Variants in CPT1A observed in about 807,000 individuals in gnomAD.
CPT1A encodes carnitine O-palmitoyltransferase 1, liver isoform.
In CPT1A, 64 loss-of-function variants were observed where a neutral mutation model predicts 100.8. The ratio of observed to expected loss-of-function variants is 0.63; its 90% CI spans 0.52 to 0.78. The LOEUF (loss-of-function observed/expected upper bound fraction) is 0.78, where lower values mean the gene tolerates loss of function less well. Ranked by LOEUF, CPT1A falls within the 30% of genes least tolerant of loss-of-function variation. The pLI, the probability that CPT1A is intolerant of heterozygous loss-of-function variation, is 0.00. For synonymous variants in CPT1A, 363 were observed against 396.0 expected, an observed-to-expected ratio of 0.92 and a Z score of 0.99; for missense variants, 802 against 1,034.1, an observed-to-expected ratio of 0.78 and a Z score of 3.08.
chr11:68,766,194 A>T (rs1854792538), intron 14 of CPT1A, among the ~76,000 whole-genome samples: 1 of 151,716 alleles, frequency 6.6e-6, no homozygotes, highest in South Asian at 2.1e-4. Context: ...ACCTTGAAGG[A>T]CCCCTTCAAG....
chr11:68,802,299 T>A (rs1238513176), intron 5 of CPT1A, among the ~76,000 whole-genome samples: 1 of 151,806 alleles, frequency 6.6e-6, no homozygotes, highest in Non-Finnish European at 1.5e-5. Context: ...ATAATTTTTT[T>A]AAAAACAAAG....
At chr11:68,774,290 A>G (rs1315762459) in intron 13 of CPT1A, among the ~76,000 whole-genome samples, 1 of 152,054 alleles carries the variant, frequency 6.6e-6, no homozygotes, top group African/African-American at 2.4e-5. Flanking sequence ...ACCCGTACAG[A>G]TATGTTCTGA....
At chr11:68,836,522 C>T (rs145638860) in intron 1 of CPT1A, among the ~76,000 whole-genome samples, 1,568 of 152,172 alleles carry the variant, frequency 0.01, 30 homozygotes, top group African/African-American at 0.036. Context: ...CCTGTAATCC[C>T]CGCACTTTGG....
chr11:68,793,920 G>A (rs575501138), intron 8 of CPT1A, among the ~76,000 whole-genome samples: 38 of 152,218 alleles, frequency 2.5e-4, no homozygotes, highest in African/African-American at 8.9e-4. Flanking sequence ...GCAACTTCCT[G>A]CACAGTTAAA....
rs1387056494 is a variant in CPT1A, at chr11:68,768,443, T to C, written c.1740+4822A>G. Reference sequence around the variant, plus strand: ...TTTTTGAGACGGAGTTTTGTTCTTATTGCTCAGGTTGGAGTGCAGTGGCGT... The same window carrying C: ...TTTTTGAGACGGAGTTTTGTTCTTACTGCTCAGGTTGGAGTGCAGTGGCGT... On this transcript the variant is annotated intron_variant, in intron 14 of 18. Coordinates refer to ENST00000265641, the MANE Select transcript of CPT1A (RefSeq NM_001876.4). Among the ~76,000 whole-genome samples, 3 of 151,836 alleles carry C rather than the reference T, an allele frequency of 2.0e-5. No individual in the cohort carries two copies. The East Asian group carries it at 5.8e-4, about 29-fold the overall frequency.
At chr11:68,759,230 C>T (rs1946753446) in intron 18 of CPT1A, among the ~76,000 whole-genome samples, 1 of 151,878 alleles carries the variant, frequency 6.6e-6, no homozygotes, top group Admixed American at 6.6e-5. Flanking sequence ...CCTGTCTCTA[C>T]TAAAAATACA....
Position 68,841,796 on chromosome 11 carries a change from G to A in CPT1A, c.-35C>T. ...TCACCGAGTCAGCTACGGAGGTGCG[G>A]CAGCGGCAGCGGCAGCGGCGGCGGC... On this transcript the variant is annotated 5_prime_UTR_variant, in exon 1 of 19. Transcript: ENST00000265641. The surrounding 1 kb of genome is among the most constrained non-coding windows in gnomAD (Gnocchi z 6.3). 1.0e-6 allele frequency: 1 copy of A among 993,208 alleles called. No homozygotes were observed. The highest frequency in any genetic ancestry group is 1.2e-6 in the Non-Finnish European group (1 of 836,508). The allele number at this position is 993,208 out of a possible 1,614,324, so 61.5% of individuals were successfully genotyped here. A position where few individuals can be genotyped will look rare whatever the true frequency, so the allele number is the denominator to read the frequency against.
chr11:68,819,155 T>G (rs1226097840), intron 1 of CPT1A, among the ~76,000 whole-genome samples: 2 of 152,264 alleles, frequency 1.3e-5, no homozygotes, highest in East Asian at 1.9e-4. Context: ...CTCAGCTCAC[T>G]GCAACTTCCA....
intron 2 of CPT1A, among the ~76,000 whole-genome samples, chr11:68,814,643 TA>T (rs1349295042): frequency 3.9e-5 from 6 of 151,946 alleles, no homozygotes; most frequent in African/African-American, 1.4e-4. Context: ...GAATGTTTTA[TA>T]AACAAAGTAG....
chr11:68,820,616 A>C (rs1856556442), intron 1 of CPT1A, among the ~76,000 whole-genome samples: 1 of 152,108 alleles, frequency 6.6e-6, no homozygotes, highest in African/African-American at 2.4e-5. Flanking sequence ...TGGGAGGCAG[A>C]GGTTTCAGTG....
Position 68,824,794 on chromosome 11 carries a change from C to CTTTT in CPT1A, c.-13-9311_-13-9308dup, listed in dbSNP as rs60451933. ...AACATATTGCTACATGCAATTGTAT[C>CTTTT]TTTTTTTTTTTTTTTTTTTGAGACT... is the stretch of plus-strand genomic sequence containing the variant. On this transcript the variant is annotated intron_variant, in intron 1 of 18. Transcript: ENST00000265641. 3.3e-3 allele frequency among the ~76,000 whole-genome samples: 396 copies of CTTTT among 120,308 alleles called. 11 individuals are homozygous for CTTTT. Among genetic ancestry groups the CTTTT allele is most frequent in the African/African-American group, 0.011 (359 of 31,342 alleles). The allele number at this position is 120,308 out of a possible 152,430, so 78.9% of individuals were successfully genotyped here.
At chr11:68,840,254 T>C (rs1367986280) in intron 1 of CPT1A, among the ~76,000 whole-genome samples, 1 of 152,204 alleles carries the variant, frequency 6.6e-6, no homozygotes, top group Non-Finnish European at 1.5e-5. Context: ...ATTGCTACGT[T>C]CACTCGGTCA....
chr11:68,819,384 G>A (rs929492057), intron 1 of CPT1A, among the ~76,000 whole-genome samples: 1 of 152,104 alleles, frequency 6.6e-6, no homozygotes, highest in Non-Finnish European at 1.5e-5. Flanking sequence ...CCCGCCTCAA[G>A]GTTAACTCTT....
chr11:68,795,427 G>C (rs549797779), intron 7 of CPT1A, among the ~76,000 whole-genome samples: 1 of 152,276 alleles, frequency 6.6e-6, no homozygotes, highest in South Asian at 2.1e-4. Flanking sequence ...AAGTGCCTCT[G>C]TTTGTGGGAA....
At chr11:68,838,572 TAAA>T (rs1210532617) in intron 1 of CPT1A, among the ~76,000 whole-genome samples, 2 of 95,514 alleles carry the variant, frequency 2.1e-5, no homozygotes, top group African/African-American at 1.0e-4. Flanking sequence ...TGCACCTTTT[TAAA>T]AAAAAAAAAA....
rs144392066 is a variant in CPT1A, at chr11:68,803,571, C to T, written c.555+429G>A. Among the ~76,000 whole-genome samples, 1,084 of 151,734 alleles carry T rather than the reference C, an allele frequency of 7.1e-3. 17 individuals carry two copies. Among genetic ancestry groups the T allele is most frequent in the African/African-American group, 0.023 (964 of 41,350 alleles). On this transcript the variant is annotated intron_variant, in intron 5 of 18. Coordinates refer to ENST00000265641, the MANE Select transcript of CPT1A (RefSeq NM_001876.4). ...ACTAAAAATACAAAAATTAGCCGGG[C>T]GTGGTGGCAGGTGCCTGTAATCCCA... is the stretch of plus-strand genomic sequence containing the variant.
intron 6 of CPT1A, 40 bp downstream of exon 6, chr11:68,799,178 G>T: frequency 6.8e-7 from 1 of 1,480,802 alleles, no homozygotes; most frequent in Non-Finnish European, 9.1e-7. Flanking sequence ...GTCTTCATAC[G>T]GAAAAATTTC....
chr11:68,843,369 C>A (rs991870771), upstream of CPT1A, among the ~76,000 whole-genome samples: 1 of 141,028 alleles, frequency 7.1e-6, no homozygotes, highest in Non-Finnish European at 1.5e-5. The surrounding 1 kb of genome is among the most constrained non-coding windows in gnomAD (Gnocchi z 4.0). Context: ...CCCCGCCCCC[C>A]ACCCCACCAT....
At position 68,841,847 on chromosome 11, in the gene CPT1A, G is replaced by A. The variant is rs575215890; in HGVS notation, c.-86C>T. 5.8e-4 allele frequency: 576 copies of A among 994,786 alleles called. No individual in the cohort carries two copies. Among genetic ancestry groups the A allele is most frequent in the Non-Finnish European group, 6.5e-4 (545 of 838,334 alleles). The allele number at this position is 994,786 out of a possible 1,614,324, so 61.6% of individuals were successfully genotyped here. On this transcript the variant is annotated 5_prime_UTR_variant, in exon 1 of 19. Transcript: ENST00000265641. This position sits in a 1 kb window ranked among gnomAD's most constrained non-coding sequence, Gnocchi z 6.3. Reference sequence around the variant, plus strand: ...GGCGGCGGCGGTGGAGTGAACGAGCGGCGAGCGGGAGCCGGGGAAGGAGGG... The same window carrying A: ...GGCGGCGGCGGTGGAGTGAACGAGCAGCGAGCGGGAGCCGGGGAAGGAGGG...
Sources: allele counts gnomAD v4.1 joint callset (sites outside exome capture counted in the v4.1 genomes callset), GRCh38; gene constraint gnomAD v4.1.1; non-coding constraint Gnocchi (gnomAD v3.1); transcripts MANE v1.5; gene names NCBI Gene and HGNC (gene_info 2026-07-23, HGNC 2026-07-21).